Variants in SYNE3 observed in about 807,000 individuals in gnomAD.
SYNE3 encodes the protein nesprin-3.
SYNE3 carries 100 observed loss-of-function variants against 111.2 expected under a neutral mutation model. The ratio of observed to expected loss-of-function variants is 0.90; its 90% confidence interval spans 0.77 to 1.06. SYNE3 has a LOEUF of 1.06. SYNE3 is among the 50% of genes least tolerant of loss of function. The pLI is 0.00. For missense variants in SYNE3, 1,160 were observed against 1,240.3 expected (o/e 0.94, Z 0.97); for synonymous variants, 547 against 533.9 (o/e 1.02, Z -0.34).
chr14:95,481,925 C>T (rs971059892), intron 1 of SYNE3, among the ~76,000 whole-genome samples: 4 of 152,234 alleles, frequency 2.6e-5, no homozygotes, highest in African/African-American at 7.2e-5. Flanking sequence ...TGGGTCAGCA[C>T]GTGGATTGCC....
At chr14:95,420,790 C>T (rs910475944) in intron 17 of SYNE3, among the ~76,000 whole-genome samples, 1 of 152,070 alleles carries the variant, frequency 6.6e-6, no homozygotes, top group Non-Finnish European at 1.5e-5. Flanking sequence ...AGAAAAATGA[C>T]AATCTTGGCT....
rs1889514531 is a variant in SYNE3 at position 95,485,771 on chromosome 14, T to C, written c.-14-9936A>G. ...ATGGCCACTCCTATGCAGACATCCA[T>C]CTCAGCCTGGATCCCACTGGACTAT... On this transcript the variant is annotated intron_variant, in intron 1 of 17. Transcript: ENST00000682763. The surrounding 1 kb of genome is among the most constrained non-coding windows in gnomAD (Gnocchi z 4.3). Among the ~76,000 whole-genome samples, 2 of 152,286 alleles carry C rather than the reference T, an allele frequency of 1.3e-5. No homozygotes were observed. The highest frequency in any genetic ancestry group is 1.9e-4 in the East Asian group (1 of 5,174).
chr14:95,454,199 C>T (rs1041991790), intron 6 of SYNE3, among the ~76,000 whole-genome samples: 2 of 152,252 alleles, frequency 1.3e-5, no homozygotes, highest in African/African-American at 2.4e-5. Flanking sequence ...GGGATGGATC[C>T]ACTGATGTCT....
chr14:95,494,850 T>C (rs1264864186), intron 1 of SYNE3, among the ~76,000 whole-genome samples: 1 of 152,186 alleles, frequency 6.6e-6, no homozygotes, highest in Non-Finnish European at 1.5e-5. Context: ...CCGTGGCTCA[T>C]GCCTGTAATC....
chr14:95,437,029 T>A, intron 14 of SYNE3, 48 bp from the exon 15 acceptor site: 1 of 1,610,814 alleles, frequency 6.2e-7, no homozygotes, highest in Non-Finnish European at 8.5e-7. Flanking sequence ...AGAGCCCCCC[T>A]GGCCATGTGT....
intron 14 of SYNE3, chr14:95,438,597 A>G (rs1886228473): frequency 5.9e-6 from 1 of 170,372 alleles, no homozygotes; most frequent in South Asian, 1.6e-4. Context: ...ACAAGGAATA[A>G]CTTTCTTTTC....
intron 1 of SYNE3, among the ~76,000 whole-genome samples, chr14:95,499,794 G>A (rs1356305736): frequency 1.3e-5 from 2 of 151,520 alleles, no homozygotes; most frequent in Non-Finnish European, 2.9e-5. Flanking sequence ...TCATTCTGCT[G>A]GGGCTGCAGG....
At chr14:95,425,875 C>A (rs1029633539) in intron 17 of SYNE3, among the ~76,000 whole-genome samples, 2 of 152,146 alleles carry the variant, frequency 1.3e-5, no homozygotes, top group African/African-American at 4.8e-5. Context: ...TCAACACTGA[C>A]CTAGATAGCT....
intron 1 of SYNE3, among the ~76,000 whole-genome samples, chr14:95,515,913 A>C (rs540425271): frequency 6.6e-6 from 1 of 152,286 alleles, no homozygotes; most frequent in East Asian, 1.9e-4. Flanking sequence ...GGCCACATCA[A>C]TGGGTCTGCT....
chr14:95,466,198 C>T lies in SYNE3; in HGVS notation c.360G>A (p.Leu120=), dbSNP rs1888162449. 1.3e-6 allele frequency: 2 copies of T among 1,591,216 alleles called. No homozygotes were observed. The highest frequency in any genetic ancestry group is 3.3e-4 in the Middle Eastern group (2 of 5,998). Residue 120 remains leucine (L), a synonymous_variant, in exon 4 of 18, where the codon CTG becomes CTA. Coordinates refer to ENST00000682763, the MANE Select transcript of SYNE3 (RefSeq NM_152592.6). ...WVWLHWSEYL[L]ARDEFYRWFQ... ...ACCAGCGGTAGAACTCATCTCGGGC[C>T]AGCAGGTACTCGCTCCAGTGCAGCC...
Position 95,470,105 on chromosome 14 carries a change from C to T in SYNE3, c.145-2138G>A, listed in dbSNP as rs988295176. Among the ~76,000 whole-genome samples the T allele has an allele frequency of 2.6e-5, 4 of 152,060 alleles. No homozygotes were observed. The highest frequency in any genetic ancestry group is 9.7e-5 in the African/African-American group (4 of 41,404). On this transcript the variant is annotated intron_variant, in intron 2 of 17. Coordinates refer to ENST00000682763, the MANE Select transcript of SYNE3 (RefSeq NM_152592.6). This position sits in a 1 kb window ranked among gnomAD's most constrained non-coding sequence, Gnocchi z 4.2. ...GTGGCAGGGGCCCAGGGGGTGGTGGCCACAGCAAGTACCCACACAGGGACC... is the reference window on the plus strand; with the variant it reads ...GTGGCAGGGGCCCAGGGGGTGGTGGTCACAGCAAGTACCCACACAGGGACC...
chr14:95,411,281 T>C lies in SYNE3; in HGVS notation c.*6545A>G, dbSNP rs1355831466. On this transcript the variant is annotated 3_prime_UTR_variant, in exon 18 of 18. Transcript: ENST00000682763. ...ACCCAATTACTAGATGAAGGAAAAATGATTTTTTGATTGGGAACATCCTAA... is the reference window on the plus strand; with the variant it reads ...ACCCAATTACTAGATGAAGGAAAAACGATTTTTTGATTGGGAACATCCTAA... The C allele has an allele frequency of 4.4e-5, 5 of 114,208 alleles. No homozygotes were observed. Among genetic ancestry groups the C allele is most frequent in the Non-Finnish European group, 9.1e-5 (5 of 55,114 alleles). The allele number at this position is 114,208 out of a possible 1,614,324, so 7.1% of individuals were successfully genotyped here. A position where few individuals can be genotyped will look rare whatever the true frequency, so the allele number is the denominator to read the frequency against.
chr14:95,487,377 G>A (rs1003367367), intron 1 of SYNE3, among the ~76,000 whole-genome samples: 5 of 152,138 alleles, frequency 3.3e-5, no homozygotes, highest in Non-Finnish European at 7.4e-5. Context: ...GGGGAGGCCT[G>A]GCAAGGTGAG....
chr14:95,457,345 G>C lies in SYNE3; in HGVS notation c.628-7C>G, dbSNP rs535380869. 6.2e-7 allele frequency: 1 copy of C among 1,612,276 alleles called. No individual in the cohort carries two copies. Among genetic ancestry groups the C allele is most frequent in the African/African-American group, 1.3e-5 (1 of 75,006 alleles). On this transcript the variant is annotated splice_region_variant and splice_polypyrimidine_tract_variant and intron_variant, in intron 4 of 17. Coordinates refer to ENST00000682763, the MANE Select transcript of SYNE3 (RefSeq NM_152592.6). ...CCAGCAGATCTACACGCTTCTGTGG[G>C]AGGAGGAGAATCACCAGCCATGAGG...
chr14:95,516,039 G>A (rs1312750063), intron 1 of SYNE3: 1 of 152,324 alleles, frequency 6.6e-6, no homozygotes, highest in African/African-American at 2.4e-5. Context: ...GTGGGAATGA[G>A]GCTCAGAGAG....
rs1422832753 is a variant in SYNE3, at chr14:95,485,842, C to G, written c.-14-10007G>C. ...CTCCTGCTCCTCACTTCACCTCCTT[C>G]GTGGAGCTCAGCACCTGCTCTGAGT... On this transcript the variant is annotated intron_variant, in intron 1 of 17. Coordinates refer to ENST00000682763, the MANE Select transcript of SYNE3 (RefSeq NM_152592.6). This position sits in a 1 kb window ranked among gnomAD's most constrained non-coding sequence, Gnocchi z 4.3. Among the ~76,000 whole-genome samples, 1 of 152,170 alleles carries G rather than the reference C, an allele frequency of 6.6e-6. No homozygotes were observed. The highest frequency in any genetic ancestry group is 1.5e-5 in the Non-Finnish European group (1 of 68,024).
rs202183573 is a variant in SYNE3 at position 95,457,220 on chromosome 14, C to T, written c.746G>A (p.Arg249Gln). Residue 249 changes from arginine (R) to glutamine (Q), a missense_variant, in exon 5 of 18, where the codon CGG becomes CAG. Transcript: ENST00000682763. ...VVEKVNGCLG[R>Q]NCKLPITQRL... ...CTGCGTGATGGGCAGCTTGCAGTTCCGCCCCAGGCAGCCATTCACCTTCTC... is the reference window on the plus strand; with the variant it reads ...CTGCGTGATGGGCAGCTTGCAGTTCTGCCCCAGGCAGCCATTCACCTTCTC... 90 of 1,614,126 alleles carry T rather than the reference C, an allele frequency of 5.6e-5. No individual in the cohort carries two copies. In the East Asian group the frequency reaches 1.5e-3, roughly 26 times the overall value.
Position 95,411,928 on chromosome 14 carries a change from A to T in SYNE3, c.*5898T>A, listed in dbSNP as rs1424228949. The stretch of plus-strand genomic sequence containing the variant: ...CTCAGTTTGGCATTTCCAACCACAC[A>T]TTTTTACCAGGAAGACAGACTAATA... On this transcript the variant is annotated 3_prime_UTR_variant, in exon 18 of 18. Transcript: ENST00000682763. 6.6e-6 allele frequency: 1 copy of T among 152,388 alleles called. No homozygotes were observed. Among genetic ancestry groups the T allele is most frequent in the Non-Finnish European group, 1.5e-5 (1 of 68,168 alleles). 9.4% of individuals were successfully genotyped at this position (152,388 alleles called of 1,614,324 possible). A position where few individuals can be genotyped will look rare whatever the true frequency, so the allele number is the denominator to read the frequency against.
At position 95,410,459 on chromosome 14, in the gene SYNE3, G is replaced by A. The variant is rs1484541928; in HGVS notation, c.*7367C>T. On this transcript the variant is annotated 3_prime_UTR_variant, in exon 18 of 18. Coordinates refer to ENST00000682763, the MANE Select transcript of SYNE3 (RefSeq NM_152592.6). ...GTGACACAGTCCTGGCCAATGAGATGAGAACGGAAGTGGCTGGTGGAGCTT... is the reference window on the plus strand; with the variant it reads ...GTGACACAGTCCTGGCCAATGAGATAAGAACGGAAGTGGCTGGTGGAGCTT... 3.3e-5 allele frequency: 5 copies of A among 152,378 alleles called. No individual in the cohort carries two copies. The highest frequency in any genetic ancestry group is 3.9e-4 in the East Asian group (2 of 5,184). The allele number at this position is 152,378 out of a possible 1,614,324, so 9.4% of individuals were successfully genotyped here.
Sources: gnomAD v4.1 joint callset for allele counts (sites outside exome capture counted in the v4.1 genomes callset) on GRCh38, gnomAD v4.1.1 for gene constraint, Gnocchi (gnomAD v3.1) non-coding constraint, MANE v1.5 for transcripts, NCBI Gene and HGNC (gene_info 2026-07-23, HGNC 2026-07-21) for gene names.